The following FSTL5 variants were observed in gnomAD, a reference collection of about 807,000 sequenced individuals.
FSTL5 encodes follistatin-related protein 5.
FSTL5 carries 62 observed loss-of-function variants against 89.1 expected under a neutral mutation model. That is an observed-to-expected ratio of 0.70 (90% CI 0.57 to 0.86). The LOEUF (loss-of-function observed/expected upper bound fraction) is 0.86. Ranked by LOEUF, FSTL5 falls within the 40% of genes least tolerant of loss-of-function variation. FSTL5 has a pLI of 0.00. For synonymous variants in FSTL5, 383 were observed against 346.2 expected (o/e 1.11, Z -1.18); for missense variants, 1,057 against 1,001.6 (o/e 1.06, Z -0.75).
intron 4 of FSTL5, among the ~76,000 whole-genome samples, chr4:161,783,920 C>T (rs1471506962): frequency 6.7e-6 from 1 of 149,234 alleles, no homozygotes; most frequent in Non-Finnish European, 1.5e-5. Flanking sequence ...TGTGTACCAC[C>T]ATGCCTGGCT....
At chr4:161,481,939 A>G (rs1449166430) in intron 12 of FSTL5, among the ~76,000 whole-genome samples, 1 of 152,226 alleles carries the variant, frequency 6.6e-6, no homozygotes, top group Non-Finnish European at 1.5e-5. Context: ...GTAAAAGCGT[A>G]TGAAATGTTT....
intron 6 of FSTL5, among the ~76,000 whole-genome samples, chr4:161,719,600 C>G (rs1739118798): frequency 6.6e-6 from 1 of 152,142 alleles, no homozygotes; most frequent in Admixed American, 6.5e-5. Flanking sequence ...ATTGATTCTT[C>G]CAATCCATGA....
chr4:161,410,139 G>A (rs1041376587), intron 15 of FSTL5, among the ~76,000 whole-genome samples: 3 of 151,880 alleles, frequency 2.0e-5, no homozygotes, highest in African/African-American at 7.3e-5. Context: ...TAATAATGAA[G>A]ATTACATAAT....
chr4:161,796,165 T>C (rs1414409350), intron 4 of FSTL5, among the ~76,000 whole-genome samples: 2 of 151,982 alleles, frequency 1.3e-5, no homozygotes, highest in African/African-American at 4.8e-5. Flanking sequence ...TAATTATAAG[T>C]AGAATATGCT....
chr4:161,929,870 T>C (rs533218255), intron 3 of FSTL5, among the ~76,000 whole-genome samples: 5 of 151,696 alleles, frequency 3.3e-5, no homozygotes, highest in South Asian at 4.2e-4. Flanking sequence ...AAGTGAAAAA[T>C]TCAGGATTTC....
chr4:161,972,216 C>G (rs531778290), intron 3 of FSTL5, among the ~76,000 whole-genome samples: 2 of 152,000 alleles, frequency 1.3e-5, no homozygotes, highest in Non-Finnish European at 2.9e-5. Context: ...CTCAGCCTCA[C>G]GAATAGCTGG....
At chr4:161,877,743 G>A (rs1291900821) in intron 4 of FSTL5, among the ~76,000 whole-genome samples, 2 of 151,808 alleles carry the variant, frequency 1.3e-5, no homozygotes, top group Non-Finnish European at 2.9e-5. Context: ...GGAGAATGGC[G>A]TGAACCCGAG....
chr4:161,981,401 G>A (rs1227862026), intron 3 of FSTL5, among the ~76,000 whole-genome samples: 1 of 152,146 alleles, frequency 6.6e-6, no homozygotes, highest in Non-Finnish European at 1.5e-5. Context: ...AAGACTTCCA[G>A]GGATTATCTA....
At chr4:161,869,090 C>T (rs1293190060) in intron 4 of FSTL5, among the ~76,000 whole-genome samples, 1 of 152,098 alleles carries the variant, frequency 6.6e-6, no homozygotes, top group Non-Finnish European at 1.5e-5. Context: ...GTACCAGCTA[C>T]TTGTGAGGCT....
At chr4:162,075,310 A>G (rs77039613) in intron 2 of FSTL5, among the ~76,000 whole-genome samples, 1 of 151,978 alleles carries the variant, frequency 6.6e-6, no homozygotes, top group African/African-American at 2.4e-5. Flanking sequence ...GGTTTCTCCA[A>G]TTAGATGAAT....
chr4:162,082,082 C>A (rs1285158729), intron 2 of FSTL5, among the ~76,000 whole-genome samples: 1 of 151,676 alleles, frequency 6.6e-6, no homozygotes, highest in Non-Finnish European at 1.5e-5. Context: ...ATACCATTGG[C>A]ATTATCTGAT....
chr4:161,980,751 TTTC>T (rs1343207577), intron 3 of FSTL5, among the ~76,000 whole-genome samples: 1 of 150,426 alleles, frequency 6.6e-6, no homozygotes, highest in Non-Finnish European at 1.5e-5. Context: ...TCAGTTGTAC[TTTC>T]TTCAAGTAAC....
chr4:161,628,276 T>A (rs1735380148), intron 7 of FSTL5, among the ~76,000 whole-genome samples: 1 of 152,182 alleles, frequency 6.6e-6, no homozygotes, highest in African/African-American at 2.4e-5. Flanking sequence ...TTGAAAAATC[T>A]ATAATCTCTA....
intron 2 of FSTL5, among the ~76,000 whole-genome samples, chr4:162,089,258 T>C (rs1019648156): frequency 6.6e-6 from 1 of 152,100 alleles, no homozygotes; most frequent in Non-Finnish European, 1.5e-5. Context: ...TAATCTGTTA[T>C]AGCAAAACAC....
chr4:161,543,534 A>G (rs1731905424), intron 8 of FSTL5, among the ~76,000 whole-genome samples: 1 of 152,062 alleles, frequency 6.6e-6, no homozygotes, highest in African/African-American at 2.4e-5. Flanking sequence ...AAAAATCTTG[A>G]AAAAGTACAA....
intron 6 of FSTL5, among the ~76,000 whole-genome samples, chr4:161,707,322 A>G (rs769010543): frequency 2.5e-4 from 38 of 152,006 alleles, no homozygotes; most frequent in Admixed American, 2.0e-3. Context: ...CAAGATATGC[A>G]CTATTGAGAA....
At chr4:161,595,181 C>G (rs901255436) in intron 7 of FSTL5, among the ~76,000 whole-genome samples, 2 of 152,002 alleles carry the variant, frequency 1.3e-5, no homozygotes, top group Non-Finnish European at 2.9e-5. Flanking sequence ...TACCTCCATC[C>G]TGATACAGCA....
chr4:161,413,650 T>C (rs1731674105), intron 15 of FSTL5, among the ~76,000 whole-genome samples: 1 of 152,298 alleles, frequency 6.6e-6, no homozygotes, highest in Middle Eastern at 3.4e-3. Flanking sequence ...CTATTTATAA[T>C]AGCAAAGACA....
intron 3 of FSTL5, among the ~76,000 whole-genome samples, chr4:162,012,189 T>C (rs1327983390): frequency 6.6e-6 from 1 of 152,228 alleles, no homozygotes; most frequent in Non-Finnish European, 1.5e-5. Flanking sequence ...CCTTCGTGTG[T>C]GTATCCCTAC....
Sources: gnomAD v4.1 joint callset for allele counts (sites outside exome capture counted in the v4.1 genomes callset) on GRCh38, gnomAD v4.1.1 for gene constraint, MANE v1.5 for transcripts, NCBI Gene and HGNC (gene_info 2026-07-23, HGNC 2026-07-21) for gene names.